Variants in PACS1 observed in about 807,000 individuals in gnomAD.
PACS1 encodes PACS-1.
In PACS1, 24 loss-of-function variants were observed where a neutral mutation model predicts 115.0. That is an observed-to-expected ratio of 0.21 (90% confidence interval 0.15 to 0.29). PACS1 has a LOEUF of 0.29. Ranked by LOEUF, PACS1 falls within the 10% of genes least tolerant of loss-of-function variation. PACS1 has a pLI of 1.00. For missense variants in PACS1, 838 were observed against 1,251.2 expected (o/e 0.67, Z 4.98); for synonymous variants, 453 against 504.5 (o/e 0.90, Z 1.37).
chr11:66,242,148 G>A (rs558915665), intron 22 of PACS1, among the ~76,000 whole-genome samples: 1 of 152,346 alleles, frequency 6.6e-6, no homozygotes, highest in South Asian at 2.1e-4. Context: ...GGAGCTGGAG[G>A]GGAGTTGGAG....
intron 1 of PACS1, among the ~76,000 whole-genome samples, chr11:66,088,688 G>C (rs948050284): frequency 6.6e-6 from 1 of 152,078 alleles, no homozygotes; most frequent in African/African-American, 2.4e-5. Flanking sequence ...GTGTCTTCCC[G>C]CTTTGTGCTT....
At position 66,088,268 on chromosome 11, in the gene PACS1, CAATTT is replaced by C. The variant is rs1857605821; in HGVS notation, c.356+17428_356+17432del. 2.0e-5 allele frequency among the ~76,000 whole-genome samples: 3 copies of C among 151,992 alleles called. No homozygotes were observed. The South Asian group carries it at 6.2e-4, about 32-fold the overall frequency. On this transcript the variant is annotated intron_variant, in intron 1 of 23. Coordinates refer to ENST00000320580, the MANE Select transcript of PACS1 (RefSeq NM_018026.4). Reference sequence around the variant, plus strand: ...AACAGAAATTCTTAATCTTATAATTCAATTTATCAATTTTTTCCTTTGTTTAGTAC... The same window carrying C: ...AACAGAAATTCTTAATCTTATAATTCATCAATTTTTTCCTTTGTTTAGTAC...
At chr11:66,220,440 A>T in intron 8 of PACS1, 191 bp from the exon 9 acceptor site, 1 of 580,992 alleles carries the variant, frequency 1.7e-6, no homozygotes, top group East Asian at 2.9e-5. Context: ...ACTGGGGGGA[A>T]GGTGGCCTCA....
intron 2 of PACS1, among the ~76,000 whole-genome samples, chr11:66,205,862 A>G (rs1854923130): frequency 6.6e-6 from 1 of 152,090 alleles, no homozygotes. Context: ...AACAGCAGTA[A>G]CCTGGCCGGT....
At chr11:66,085,152 TG>T (rs1257660725) in intron 1 of PACS1, among the ~76,000 whole-genome samples, 3 of 152,216 alleles carry the variant, frequency 2.0e-5, no homozygotes, top group African/African-American at 7.2e-5. Flanking sequence ...CAAAACATCA[TG>T]TTTTTTTCTT....
chr11:66,134,928 C>T (rs1001511049), intron 1 of PACS1, among the ~76,000 whole-genome samples: 10 of 152,206 alleles, frequency 6.6e-5, no homozygotes, highest in Admixed American at 4.6e-4. Context: ...TATCTTATTT[C>T]AGCCAAGTGC....
intron 1 of PACS1, among the ~76,000 whole-genome samples, chr11:66,116,489 A>G (rs1372595593): frequency 6.6e-6 from 1 of 152,244 alleles, no homozygotes; most frequent in South Asian, 2.1e-4. Flanking sequence ...CATAAAGTTC[A>G]TTTAATAATC....
At chr11:66,167,244 T>A (rs774026909) in intron 1 of PACS1, among the ~76,000 whole-genome samples, 2 of 150,328 alleles carry the variant, frequency 1.3e-5, no homozygotes, top group Non-Finnish European at 2.9e-5. Flanking sequence ...TCCATTGATT[T>A]GTCAGTCTTT....
chr11:66,117,198 C>T (rs1217126179), intron 1 of PACS1, among the ~76,000 whole-genome samples: 1 of 152,156 alleles, frequency 6.6e-6, no homozygotes, highest in African/African-American at 2.4e-5. Context: ...CAGTGGTTCA[C>T]ACCTGTAATC....
intron 2 of PACS1, among the ~76,000 whole-genome samples, chr11:66,202,742 A>AAAAAAAAAAT (rs1200930188): frequency 8.4e-5 from 6 of 71,652 alleles, no homozygotes; most frequent in African/African-American, 4.8e-4. Flanking sequence ...AAAAAAAAAA[A>AAAAAAAAAAT]ATATATATAT....
intron 1 of PACS1, among the ~76,000 whole-genome samples, chr11:66,126,953 G>C (rs3862386): frequency 0.19 from 29,020 of 151,934 alleles, 2,851 homozygotes; most frequent in Middle Eastern, 0.28. Flanking sequence ...AAGAAGGGGA[G>C]GCCTTTTCTG....
At position 66,149,241 on chromosome 11, in the gene PACS1, G is replaced by A. The variant is rs374364159; in HGVS notation, c.357-44245G>A. Among the ~76,000 whole-genome samples the A allele has an allele frequency of 1.1e-4, 16 of 151,670 alleles. No homozygotes were observed. In the East Asian group the frequency reaches 1.4e-3, roughly 13 times the overall value. ...CGAGTAGCTGGGATTACAGGCGTGC[G>A]CCACCACACATGACTAATTTTTGTA... On this transcript the variant is annotated intron_variant, in intron 1 of 23. Transcript: ENST00000320580.
At chr11:66,216,496 A>G in intron 5 of PACS1, 24 bp from the exon 6 acceptor site, 1 of 1,594,300 alleles carries the variant, frequency 6.3e-7, no homozygotes, top group East Asian at 2.2e-5. Flanking sequence ...TTGCAAGGTT[A>G]TCTTACTCAG....
rs751546766 is a variant in PACS1, at chr11:66,221,259, C to T, written c.1293+12C>T. ...ACACCACCAGCCCTGTGAGCGCAAC[C>T]GCGACTGCGGGGCGGGGTGGGACCG... On this transcript the variant is annotated intron_variant, in intron 10 of 23. Coordinates refer to ENST00000320580, the MANE Select transcript of PACS1 (RefSeq NM_018026.4). The T allele has an allele frequency of 2.4e-5, 38 of 1,611,830 alleles. No homozygotes were observed. Among genetic ancestry groups the T allele is most frequent in the Middle Eastern group, 1.7e-4 (1 of 6,038 alleles).
chr11:66,139,639 A>C (rs374823028), intron 1 of PACS1, among the ~76,000 whole-genome samples: 1 of 152,130 alleles, frequency 6.6e-6, no homozygotes, highest in Non-Finnish European at 1.5e-5. Context: ...TATTTAACAT[A>C]ATGATCTAGT....
intron 8 of PACS1, chr11:66,220,361 G>C (rs1855314061): frequency 2.2e-6 from 1 of 454,914 alleles, no homozygotes; most frequent in African/African-American, 2.0e-5. Flanking sequence ...AACCCACATG[G>C]GCGATGGGCC....
chr11:66,136,262 AAC>A lies in PACS1; in HGVS notation c.357-57201_357-57200del, dbSNP rs71270571. On this transcript the variant is annotated intron_variant, in intron 1 of 23. Coordinates refer to ENST00000320580, the MANE Select transcript of PACS1 (RefSeq NM_018026.4). ...TGAAACAGGACTGCCCAATCCCGCT[AAC>A]ACACACACACACACACACACACGCC... Among the ~76,000 whole-genome samples, 198 of 143,384 alleles carry A rather than the reference AAC, an allele frequency of 1.4e-3. 3 individuals carry two copies. Among genetic ancestry groups the A allele is most frequent in the East Asian group, 4.1e-3 (20 of 4,936 alleles). 94.1% of individuals were successfully genotyped at this position (143,384 alleles called of 152,430 possible).
intron 1 of PACS1, among the ~76,000 whole-genome samples, chr11:66,180,089 GCCT>G (rs1859966347): frequency 6.6e-6 from 1 of 152,018 alleles, no homozygotes; most frequent in East Asian, 1.9e-4. Context: ...TGATCCGCCT[GCCT>G]CAGCCTCCCA....
At chr11:66,166,765 A>C (rs1014902573) in intron 1 of PACS1, among the ~76,000 whole-genome samples, 3 of 150,346 alleles carry the variant, frequency 2.0e-5, no homozygotes, top group Non-Finnish European at 4.4e-5. Context: ...AACAGTGCAA[A>C]TATTGTCTAG....
Sources: gnomAD v4.1 joint callset for allele counts (sites outside exome capture counted in the v4.1 genomes callset) on GRCh38, gnomAD v4.1.1 for gene constraint, MANE v1.5 for transcripts, NCBI Gene and HGNC (gene_info 2026-07-23, HGNC 2026-07-21) for gene names.